GATAD1: variants seen among roughly 807,000 people sequenced by gnomAD.
The protein encoded by GATAD1 is GATA zinc finger domain-containing protein 1.
Under a neutral mutation model 26.5 loss-of-function variants are expected in GATAD1, and 12 were observed. The ratio of observed to expected loss-of-function variants is 0.45; its 90% confidence interval spans 0.29 to 0.73. The LOEUF (loss-of-function observed/expected upper bound fraction) is 0.73. GATAD1 is among the 30% of genes least tolerant of loss of function. The pLI is 0.10. For missense variants in GATAD1, 266 were observed against 342.1 expected (o/e 0.78, Z 1.75); for synonymous variants, 129 against 133.1 (o/e 0.97, Z 0.21).
At chr7:92,492,162 T>C in the GATAD1 span, among the ~76,000 whole-genome samples, 1 of 152,182 alleles carries the variant, frequency 6.6e-6, no homozygotes, top group African/African-American at 2.4e-5. Context: ...TTTTTCTTTT[T>C]TGGGGGCAGG....
chr7:92,465,792 G>T, the GATAD1 span, among the ~76,000 whole-genome samples: 1 of 152,068 alleles, frequency 6.6e-6, no homozygotes, highest in Non-Finnish European at 1.5e-5. Context: ...CCTGAGGCCT[G>T]GAGTTCAAGA....
the GATAD1 span, chr7:92,470,478 T>C: frequency 1.7e-6 from 1 of 601,718 alleles, no homozygotes; most frequent in Admixed American, 3.1e-5. Flanking sequence ...CGTTGTCTCC[T>C]GGATTTTCAG....
At chr7:92,485,118 G>A in the GATAD1 span, among the ~76,000 whole-genome samples, 1 of 152,164 alleles carries the variant, frequency 6.6e-6, no homozygotes, top group Non-Finnish European at 1.5e-5. Context: ...CAGTTAAGAT[G>A]GGGCAGGAAC....
chr7:92,467,902 G>A, the GATAD1 span, among the ~76,000 whole-genome samples: 12 of 152,186 alleles, frequency 7.9e-5, no homozygotes, highest in African/African-American at 2.2e-4. Context: ...TGATGCCTTC[G>A]AGGAACCAGG....
the GATAD1 span, chr7:92,494,628 C>T: frequency 3.1e-6 from 5 of 1,613,654 alleles, no homozygotes; most frequent in African/African-American, 6.7e-5. Context: ...GCAGCCTGTG[C>T]TCTGGGAAAA....
At chr7:92,493,196 T>C in the GATAD1 span, 2 of 913,966 alleles carry the variant, frequency 2.2e-6, no homozygotes, top group South Asian at 1.8e-5. Flanking sequence ...AAATTGTGTA[T>C]CTTATGATTT....
the GATAD1 span, chr7:92,469,359 T>G: frequency 1.3e-6 from 1 of 766,472 alleles, no homozygotes; most frequent in Non-Finnish European, 2.4e-6. Flanking sequence ...GAGTAGAGGT[T>G]GTGATACCGC....
downstream of GATAD1, among the ~76,000 whole-genome samples, chr7:92,461,625 A>G (rs1458876641): frequency 6.6e-6 from 1 of 152,242 alleles, no homozygotes; most frequent in Non-Finnish European, 1.5e-5. Flanking sequence ...AATGAAAGAG[A>G]TCACATAGGG....
At chr7:92,487,867 G>C in the GATAD1 span, among the ~76,000 whole-genome samples, 8 of 152,124 alleles carry the variant, frequency 5.3e-5, no homozygotes, top group Non-Finnish European at 1.2e-4. Context: ...AAAGGGCCAA[G>C]TTTAGAAAAA....
the GATAD1 span, chr7:92,470,268 T>G: frequency 1.3e-6 from 1 of 778,620 alleles, no homozygotes; most frequent in Non-Finnish European, 2.4e-6. Flanking sequence ...GCATTCTCCA[T>G]AGAAACTCTT....
chr7:92,495,252 A>G, the GATAD1 span, among the ~76,000 whole-genome samples: 15 of 152,174 alleles, frequency 9.9e-5, no homozygotes, highest in Admixed American at 4.6e-4. Context: ...TATTAATTCC[A>G]TATCTGGCAA....
At chr7:92,491,723 C>A in the GATAD1 span, 1 of 497,526 alleles carries the variant, frequency 2.0e-6, no homozygotes, top group Non-Finnish European at 3.6e-6. Flanking sequence ...ACCAACCATC[C>A]CCCAAGAAAG....
intron 1 of GATAD1, 35 bp downstream of exon 1, chr7:92,448,013 C>G (rs1789234148): frequency 6.6e-6 from 8 of 1,204,394 alleles, no homozygotes; most frequent in Non-Finnish European, 8.3e-6. Context: ...CGGCGGAGGC[C>G]GACCAGGTGC....
At chr7:92,482,469 G>A in the GATAD1 span, among the ~76,000 whole-genome samples, 4 of 152,174 alleles carry the variant, frequency 2.6e-5, no homozygotes, top group Non-Finnish European at 4.4e-5. Flanking sequence ...TTAGAAGCCC[G>A]TGCTGTAGCA....
chr7:92,487,401 A>C, the GATAD1 span: 4 of 898,260 alleles, frequency 4.5e-6, no homozygotes, highest in Admixed American at 2.0e-5. Context: ...TCCTGTTACA[A>C]CATATGGAAA....
chr7:92,449,137 A>G (rs974813928), intron 2 of GATAD1: 6 of 1,159,348 alleles, frequency 5.2e-6, no homozygotes, highest in Non-Finnish European at 6.4e-6. Flanking sequence ...GTTTAAAAGA[A>G]ACATCAACCT....
chr7:92,478,423 G>A, the GATAD1 span, among the ~76,000 whole-genome samples: 3 of 152,182 alleles, frequency 2.0e-5, no homozygotes, highest in South Asian at 4.1e-4. Context: ...ATACCACAAC[G>A]TCGGGAATAA....
Position 92,447,537 on chromosome 7 carries a change from C to A in GATAD1, c.-193C>A. On this transcript the variant is annotated 5_prime_UTR_variant, in exon 1 of 5. Transcript: ENST00000287957. ...GCCAGGGAATCCTGGCCTCCGCCTG[C>A]GGAGCCGGCGGAACCCGCTTCCCGC... The A allele has an allele frequency of 3.4e-6, 2 of 586,516 alleles. No individual in the cohort carries two copies. Among genetic ancestry groups the A allele is most frequent in the Non-Finnish European group, 5.0e-6 (2 of 397,880 alleles). 36.3% of individuals were successfully genotyped at this position (586,516 alleles called of 1,614,324 possible). A position where few individuals can be genotyped will look rare whatever the true frequency, so the allele number is the denominator to read the frequency against.
chr7:92,448,929 T>A, intron 2 of GATAD1, 52 bp downstream of exon 2: 1 of 1,542,742 alleles, frequency 6.5e-7, no homozygotes, highest in South Asian at 1.1e-5. Context: ...GTGTGTATCC[T>A]GCCACTGCCT....
Sources: gnomAD v4.1 joint callset for allele counts (sites outside exome capture counted in the v4.1 genomes callset) on GRCh38, gnomAD v4.1.1 for gene constraint, MANE v1.5 for transcripts, NCBI Gene and HGNC (gene_info 2026-07-23, HGNC 2026-07-21) for gene names.